The following SCN1A variants were observed in gnomAD, a reference collection of about 807,000 sequenced individuals.
The protein encoded by SCN1A is sodium voltage-gated channel alpha subunit 1.
SCN1A carries 13 observed loss-of-function variants against 193.7 expected under a neutral mutation model. The observed-to-expected ratio is 0.07, with a 90% CI of 0.04 to 0.11. The LOEUF (loss-of-function observed/expected upper bound fraction) is 0.11. Ranked by LOEUF, SCN1A falls within the 10% of genes least tolerant of loss-of-function variation. SCN1A has a pLI of 1.00. For synonymous variants in SCN1A, 781 were observed against 843.6 expected (o/e 0.93, Z 1.29); for missense variants, 1,432 against 2,451.1 (o/e 0.58, Z 8.78).
rs1696609643 is a variant in SCN1A, at chr2:166,037,823, T to C, written c.2899A>G (p.Met967Val). Reference protein sequence around the residue: ...WDCMEVAGQAMCLTVFMMVMV... With the variant: ...WDCMEVAGQAVCLTVFMMVMV... ...ACCATCATGAAGACAGTAAGGCACATGGCTTGACCAGCAACCTCCATACAG... is the reference window on the plus strand; with the variant it reads ...ACCATCATGAAGACAGTAAGGCACACGGCTTGACCAGCAACCTCCATACAG... The change falls in exon 18 of 29, where the codon ATG (methionine) becomes GTG (valine). Residue 967 changes from methionine to valine, a missense_variant. Coordinates refer to ENST00000674923, the MANE Select transcript of SCN1A (RefSeq NM_001165963.4). 1 of 1,614,042 alleles carries C rather than the reference T, an allele frequency of 6.2e-7. No individual in the cohort carries two copies. Among genetic ancestry groups the C allele is most frequent in the South Asian group, 1.1e-5 (1 of 91,094 alleles).
At chr2:166,083,929 G>A (rs1002078646) in intron 2 of SCN1A, among the ~76,000 whole-genome samples, 11 of 152,100 alleles carry the variant, frequency 7.2e-5, no homozygotes, top group African/African-American at 2.7e-4. Context: ...GTGGTCACTC[G>A]ACAGAGATTT....
At chr2:166,131,064 TA>T (rs1477186314), upstream of SCN1A, among the ~76,000 whole-genome samples, 3 of 149,290 alleles carry the variant, frequency 2.0e-5, no homozygotes, top group African/African-American at 7.4e-5. Flanking sequence ...CTTTGCATTT[TA>T]TTTATTTTTT....
intron 7 of SCN1A, 144 bp downstream of exon 7, chr2:166,054,494 G>T: frequency 1.2e-6 from 1 of 845,124 alleles, no homozygotes; most frequent in Non-Finnish European, 1.9e-6. Context: ...TTAGACCTTT[G>T]TTGTGCTAAA....
intron 1 of SCN1A, among the ~76,000 whole-genome samples, chr2:166,140,255 G>A (rs1692026219): frequency 6.6e-6 from 1 of 152,124 alleles, no homozygotes; most frequent in Admixed American, 6.5e-5. Context: ...AATTATGGTG[G>A]AAAGTCTCTG....
intron 4 of SCN1A, among the ~76,000 whole-genome samples, chr2:166,061,913 T>G (rs774812799): frequency 4.6e-5 from 7 of 152,188 alleles, no homozygotes; most frequent in Non-Finnish European, 8.8e-5. Context: ...GATTTTACAG[T>G]GTATTCCCTT....
intron 18 of SCN1A, 116 bp from the exon 19 acceptor site, chr2:166,036,646 A>G (rs1334468709): frequency 1.8e-5 from 18 of 999,918 alleles, no homozygotes; most frequent in Non-Finnish European, 1.5e-6. Flanking sequence ...AAACTTGATG[A>G]GAAGGAAACA....
chr2:166,097,933 G>C (rs1187049916), intron 2 of SCN1A, among the ~76,000 whole-genome samples: 2 of 152,226 alleles, frequency 1.3e-5, no homozygotes, highest in African/African-American at 4.8e-5. Flanking sequence ...CTTTTATCTA[G>C]ATAAATAGAG....
intron 1 of SCN1A, among the ~76,000 whole-genome samples, chr2:166,145,142 ATTTTTTTT>A (rs10527781): frequency 1.5e-5 from 2 of 129,062 alleles, no homozygotes; most frequent in East Asian, 5.2e-4. Flanking sequence ...GGCCTAAGTA[ATTTTTTTT>A]TTTTTTTTTT....
intron 12 of SCN1A, 126 bp downstream of exon 12, chr2:166,046,644 T>C: frequency 2.3e-6 from 2 of 888,286 alleles, no homozygotes; most frequent in Admixed American, 2.4e-5. Flanking sequence ...AAGTGGATCA[T>C]CAAAATATAG....
In SCN1A at chr2:166,080,170, A is replaced by G. The variant is rs553829472; in HGVS notation, c.-141-2369T>C. 2.4e-3 allele frequency among the ~76,000 whole-genome samples: 365 copies of G among 151,896 alleles called. 5 individuals carry two copies. Among genetic ancestry groups the G allele is most frequent in the African/African-American group, 8.3e-3 (344 of 41,540 alleles). ...TTTCACCTCTTTATTCTAAAAATTT[A>G]TAACAGAAGACTTAATTGTCCTAAT... On this transcript the variant is annotated intron_variant, in intron 2 of 28. Coordinates refer to ENST00000674923, the MANE Select transcript of SCN1A (RefSeq NM_001165963.4).
rs549006900 is a variant in SCN1A, at chr2:166,086,897, T to G, written c.-141-9096A>C. Among the ~76,000 whole-genome samples the G allele has an allele frequency of 1.4e-4, 22 of 152,148 alleles. 1 individual carries two copies. In the South Asian group the frequency reaches 4.6e-3, roughly 32 times the overall value. The stretch of plus-strand genomic sequence containing the variant: ...ATGATTATCACAGATTTGTATAGAG[T>G]GGACACTACCAGATGTCCAGCACAT... On this transcript the variant is annotated intron_variant, in intron 2 of 28. Coordinates refer to ENST00000674923, the MANE Select transcript of SCN1A (RefSeq NM_001165963.4).
chr2:166,102,751 A>G (rs562459170), intron 2 of SCN1A, among the ~76,000 whole-genome samples: 1 of 152,288 alleles, frequency 6.6e-6, no homozygotes, highest in South Asian at 2.1e-4. Context: ...ATGCACGCAT[A>G]TGTTCATTGC....
At chr2:166,032,202 T>TGTCATAC (rs1553538999) in intron 19 of SCN1A, among the ~76,000 whole-genome samples, 1 of 77,242 alleles carries the variant, frequency 1.3e-5, no homozygotes, top group Non-Finnish European at 2.3e-5. Flanking sequence ...TTGAAAGTCA[T>TGTCATAC]ACACACACAC....
At chr2:166,043,132 A>G (rs1235834019) in intron 14 of SCN1A, among the ~76,000 whole-genome samples, 2 of 152,348 alleles carry the variant, frequency 1.3e-5, no homozygotes, top group East Asian at 3.9e-4. Context: ...ATCTGTCTGT[A>G]TTAATAATGT....
intron 23 of SCN1A, among the ~76,000 whole-genome samples, chr2:166,008,682 A>C (rs550282273): frequency 2.0e-5 from 3 of 151,240 alleles, no homozygotes; most frequent in African/African-American, 7.2e-5. Context: ...GACATTTATA[A>C]TAAGACTTGA....
intron 19 of SCN1A, among the ~76,000 whole-genome samples, chr2:166,032,363 CA>C (rs1559184306): frequency 6.6e-6 from 1 of 151,772 alleles, no homozygotes; most frequent in African/African-American, 2.4e-5. Flanking sequence ...CAAAAAGAAC[CA>C]AAATGATGAG....
chr2:166,140,591 A>G (rs1035740174), intron 1 of SCN1A, among the ~76,000 whole-genome samples: 3 of 152,232 alleles, frequency 2.0e-5, no homozygotes, highest in Non-Finnish European at 4.4e-5. Context: ...CACTAAACAC[A>G]TGAGTAGTGA....
At chr2:166,123,158 T>C (rs1478392692) in intron 2 of SCN1A, among the ~76,000 whole-genome samples, 3 of 145,948 alleles carry the variant, frequency 2.1e-5, no homozygotes, top group Non-Finnish European at 4.5e-5. Context: ...AGTTTTAACA[T>C]AGATGAAAAT....
chr2:166,106,000 A>T (rs1325217163), intron 2 of SCN1A, among the ~76,000 whole-genome samples: 2 of 152,170 alleles, frequency 1.3e-5, no homozygotes, highest in Admixed American at 6.5e-5. Context: ...ATCCTGGCTA[A>T]CACGGTGAAA....
Sources: gnomAD v4.1 joint callset for allele counts (sites outside exome capture counted in the v4.1 genomes callset) on GRCh38, gnomAD v4.1.1 for gene constraint, MANE v1.5 for transcripts, NCBI Gene and HGNC (gene_info 2026-07-23, HGNC 2026-07-21) for gene names.